Variants in CFAP57 observed in about 807,000 individuals in gnomAD.
CFAP57 encodes cilia- and flagella-associated protein 57.
Under a neutral mutation model 146.8 loss-of-function variants are expected in CFAP57, and 116 were observed. The observed-to-expected ratio is 0.79, with a 90% CI of 0.68 to 0.92. The LOEUF is 0.92. Ranked by LOEUF, CFAP57 falls within the 40% of genes least tolerant of loss-of-function variation. CFAP57 has a pLI of 0.00. For synonymous variants in CFAP57, 518 were observed against 552.8 expected (o/e 0.94, Z 0.88); for missense variants, 1,377 against 1,527.2 (o/e 0.90, Z 1.64).
intron 2 of CFAP57, among the ~76,000 whole-genome samples, chr1:43,181,053 C>T (rs1264894478): frequency 6.6e-6 from 1 of 152,038 alleles, no homozygotes; most frequent in African/African-American, 2.4e-5. Flanking sequence ...CTCCTCCCAC[C>T]TCATCCTCCA....
At position 43,228,851 on chromosome 1, in the gene CFAP57, G is replaced by A. The variant is rs138568189; in HGVS notation, c.3009+1725G>A. Reference sequence around the variant, plus strand: ...AAGGCTCCAGCAGATTTGGTGTCCAGGCCTGTTCCTCATAGATGGCACCTG... The same window carrying A: ...AAGGCTCCAGCAGATTTGGTGTCCAAGCCTGTTCCTCATAGATGGCACCTG... On this transcript the variant is annotated intron_variant, in intron 18 of 22. Coordinates refer to ENST00000372492, the MANE Select transcript of CFAP57 (RefSeq NM_001378189.1). 4.5e-3 allele frequency among the ~76,000 whole-genome samples: 668 copies of A among 149,306 alleles called. 33 individuals are homozygous for A. The highest frequency in any genetic ancestry group is 7.4e-3 in the Non-Finnish European group (498 of 67,612).
chr1:43,218,917 T>A (rs1013877726), intron 12 of CFAP57, among the ~76,000 whole-genome samples: 5 of 152,218 alleles, frequency 3.3e-5, no homozygotes, highest in Admixed American at 6.5e-5. Context: ...AAACAAACCC[T>A]ACAAAGATTC....
chr1:43,207,347 G>A (rs1644401443), intron 10 of CFAP57, among the ~76,000 whole-genome samples: 1 of 152,154 alleles, frequency 6.6e-6, no homozygotes. Context: ...AGATTGTAAT[G>A]CCATAAGATT....
Position 43,181,152 on chromosome 1 carries a change from A to G in CFAP57, c.158-382A>G, listed in dbSNP as rs994788095. Among the ~76,000 whole-genome samples, 10 of 151,958 alleles carry G rather than the reference A, an allele frequency of 6.6e-5. 1 individual carries two copies. The South Asian group carries it at 1.0e-3, about 16-fold the overall frequency. On this transcript the variant is annotated intron_variant, in intron 2 of 22. Transcript: ENST00000372492. ...AGTGGCATGATCTCAGCTCACTGCA[A>G]TCTCCACCTCCCAGGTTCAAGTGAT...
At position 43,201,164 on chromosome 1, in the gene CFAP57, T is replaced by C. The variant is rs1280888241; in HGVS notation, c.1542+1661T>C. ...TAGAAAGTAGAGGAAGTCAGAGGCA[T>C]AGATTAGATCACCAAGGGCCTATGT... On this transcript the variant is annotated intron_variant, in intron 9 of 22. Transcript: ENST00000372492. This position sits in a 1 kb window ranked among gnomAD's most constrained non-coding sequence, Gnocchi z 4.4. Among the ~76,000 whole-genome samples the C allele has an allele frequency of 2.0e-5, 3 of 152,126 alleles. No individual in the cohort carries two copies. Among genetic ancestry groups the C allele is most frequent in the East Asian group, 1.9e-4 (1 of 5,186 alleles).
rs1343568020 is a variant in CFAP57, at chr1:43,224,158, G to C, written c.2819G>C (p.Gly940Ala). 6.5e-7 allele frequency: 1 copy of C among 1,549,674 alleles called. No homozygotes were observed. Among genetic ancestry groups the C allele is most frequent in the Non-Finnish European group, 8.7e-7 (1 of 1,146,626 alleles). ...VIKSLEKDIQ[G>A]LKREIQERDE... is the part of the protein sequence containing the mutation. ...AAGTCTCTGGAGAAGGACATCCAAG[G>C]CCTCAAGCGAGAGATCCAGGAAAGA... is the stretch of plus-strand genomic sequence containing the variant. The change falls in exon 17 of 23, where the codon GGC becomes GCC. Residue 940 changes from glycine to alanine, a missense_variant. Gly to Ala is a moderately conservative substitution (Grantham distance 60, BLOSUM62 0). Coordinates refer to ENST00000372492, the MANE Select transcript of CFAP57 (RefSeq NM_001378189.1).
chr1:43,183,631 C>T lies in CFAP57; in HGVS notation c.515C>T (p.Thr172Ile). 6.2e-7 allele frequency: 1 copy of T among 1,614,174 alleles called. No individual in the cohort carries two copies. The highest frequency in any genetic ancestry group is 1.3e-5 in the African/African-American group (1 of 75,036). ...CAGGATAACACTCAGGTGTGTGTCA[C>T]TGGAAATGGGATGTTTAAGCTTCTC... is the stretch of plus-strand genomic sequence containing the variant. ...SPQDNTQVCV[T>I]GNGMFKLLRF... The change falls in exon 4 of 23, where the codon ACT becomes ATT. Residue 172 changes from threonine to isoleucine, a missense_variant. Transcript: ENST00000372492.
chr1:43,230,247 G>A (rs650319), intron 18 of CFAP57, among the ~76,000 whole-genome samples: 5,780 of 152,212 alleles, frequency 0.038, 180 homozygotes, highest in African/African-American at 0.09. Flanking sequence ...CGGGAGCCCC[G>A]CAAACAGAAG....
At chr1:43,196,416 G>C (rs767322194) in intron 6 of CFAP57, 4 of 153,362 alleles carry the variant, frequency 2.6e-5, no homozygotes, top group Non-Finnish European at 5.9e-5. Flanking sequence ...GAGATAGTAG[G>C]GTCTACAGCC....
intron 2 of CFAP57, among the ~76,000 whole-genome samples, chr1:43,176,616 G>A (rs568071318): frequency 1.5e-4 from 23 of 152,262 alleles, no homozygotes; most frequent in South Asian, 1.2e-3. Flanking sequence ...AAATAGACAC[G>A]CACATATGCA....
At chr1:43,220,152 C>T (rs1318488303) in intron 13 of CFAP57, among the ~76,000 whole-genome samples, 1 of 151,956 alleles carries the variant, frequency 6.6e-6, no homozygotes, top group African/African-American at 2.4e-5. Context: ...GTTGAGATTA[C>T]AGATAATTTA....
chr1:43,206,869 C>T lies in CFAP57; in HGVS notation c.1692C>T (p.Pro564=), dbSNP rs143175489. Reference sequence around the variant, plus strand: ...GCTACAACTGTGTTACTGTCTCCCCCGATGCCAAAATTATCTTTGCTGTTG... The same window carrying T: ...GCTACAACTGTGTTACTGTCTCCCCTGATGCCAAAATTATCTTTGCTGTTG... ...SCSYNCVTVS[P]DAKIIFAVGS... The change falls in exon 10 of 23, where the codon CCC becomes CCT. Residue 564 remains proline, a synonymous_variant. Transcript: ENST00000372492. 413 of 1,614,142 alleles carry T rather than the reference C, an allele frequency of 2.6e-4. No individual in the cohort carries two copies. The East Asian group carries it at 2.8e-3, about 11-fold the overall frequency.
At chr1:43,213,131 A>G (rs1310124121) in intron 11 of CFAP57, among the ~76,000 whole-genome samples, 4 of 151,920 alleles carry the variant, frequency 2.6e-5, no homozygotes, top group Non-Finnish European at 5.9e-5. Flanking sequence ...TCTGTCGCCC[A>G]GGCTTGAGTG....
At chr1:43,232,176 G>T (rs1645499076) in intron 18 of CFAP57, 2 of 669,844 alleles carry the variant, frequency 3.0e-6, no homozygotes, top group Middle Eastern at 2.4e-4. Context: ...TGAGAGTTGA[G>T]GTTCTAGTGC....
At chr1:43,243,144 T>A in intron 21 of CFAP57, 83 bp from the exon 22 acceptor site, 8 of 1,464,060 alleles carry the variant, frequency 5.5e-6, no homozygotes, top group Non-Finnish European at 7.3e-6. Context: ...CCATTCCCCA[T>A]ACACTCAGCC....
chr1:43,199,115 ACATG>A (rs1158146484), intron 8 of CFAP57, among the ~76,000 whole-genome samples: 1 of 152,198 alleles, frequency 6.6e-6, no homozygotes, highest in Non-Finnish European at 1.5e-5. Context: ...CGGCTCTGAA[ACATG>A]CTTCTACAGG....
chr1:43,198,648 TAAA>T lies in CFAP57; in HGVS notation c.1428+10_1428+12del. The T allele has an allele frequency of 6.6e-7, 1 of 1,525,172 alleles. No individual in the cohort carries two copies. The highest frequency in any genetic ancestry group is 8.9e-7 in the Non-Finnish European group (1 of 1,118,102). 94.5% of individuals were successfully genotyped at this position (1,525,172 alleles called of 1,614,324 possible). ...TACTCTGTTAGAGGATGCGGAGAGGTAAAAAAAAAACTGCTGAAGACAAAAGTC... is the reference window on the plus strand; with the variant it reads ...TACTCTGTTAGAGGATGCGGAGAGGTAAAAAAACTGCTGAAGACAAAAGTC... On this transcript the variant is annotated splice_donor_5th_base_variant and intron_variant, in intron 8 of 22. Coordinates refer to ENST00000372492, the MANE Select transcript of CFAP57 (RefSeq NM_001378189.1).
chr1:43,239,835 CTT>C, intron 21 of CFAP57, among the ~76,000 whole-genome samples: 1 of 152,318 alleles, frequency 6.6e-6, no homozygotes, highest in South Asian at 2.1e-4. Flanking sequence ...GTTCTGGTCT[CTT>C]TCACCTGTCC....
intron 17 of CFAP57, among the ~76,000 whole-genome samples, chr1:43,225,472 A>C (rs1645211298): frequency 6.6e-6 from 1 of 152,246 alleles, no homozygotes. Context: ...AGAAATAGAC[A>C]GCAGGCCCAA....
Sources: gnomAD v4.1 joint callset for allele counts (sites outside exome capture counted in the v4.1 genomes callset) on GRCh38, gnomAD v4.1.1 for gene constraint, Gnocchi (gnomAD v3.1) non-coding constraint, MANE v1.5 for transcripts, NCBI Gene and HGNC (gene_info 2026-07-23, HGNC 2026-07-21) for gene names.